The following GRM5 variants were observed in gnomAD, a reference collection of about 807,000 sequenced individuals.
GRM5 encodes the protein glutamate metabotropic receptor 5, also known as metabotropic glutamate receptor 5.
A neutral mutation model predicts 83.1 loss-of-function variants in GRM5; 19 were observed. The ratio of observed to expected loss-of-function variants is 0.23; its 90% CI spans 0.16 to 0.34. The LOEUF is 0.34. Among genes scored for constraint, GRM5 ranks in the 10% least tolerant of loss-of-function variants. GRM5 has a pLI of 1.00. For synonymous variants in GRM5, 675 were observed against 633.6 expected, an observed-to-expected ratio of 1.07 and a Z score of -0.98; for missense variants, 1,160 against 1,588.3, an observed-to-expected ratio of 0.73 and a Z score of 4.58.
chr11:88,850,789 TG>T (rs1565261157), intron 2 of GRM5, among the ~76,000 whole-genome samples: 1 of 152,036 alleles, frequency 6.6e-6, no homozygotes, highest in African/African-American at 2.4e-5. Context: ...TATACAACCA[TG>T]GGGAAGTTAT....
At chr11:88,520,556 A>G in intron 9 of GRM5, among the ~76,000 whole-genome samples, 1 of 151,832 alleles carries the variant, frequency 6.6e-6, no homozygotes, top group Middle Eastern at 3.2e-3. Context: ...GAGGAGTTTT[A>G]TATTGCATTG....
chr11:88,909,408 C>T (rs1945456970), intron 2 of GRM5, among the ~76,000 whole-genome samples: 1 of 10,636 alleles, frequency 9.4e-5, no homozygotes, highest in Non-Finnish European at 3.7e-4. Context: ...CTTTCCACTG[C>T]CAAGGTAAAT....
intron 2 of GRM5, among the ~76,000 whole-genome samples, chr11:88,888,904 A>T (rs1047513776): frequency 6.6e-6 from 1 of 152,160 alleles, no homozygotes; most frequent in Non-Finnish European, 1.5e-5. Context: ...AACTTGGCTA[A>T]AGGCCTCCAT....
At chr11:88,821,344 C>CAAAAAAAAAAAAAAAAAAAAA (rs375051761) in intron 3 of GRM5, among the ~76,000 whole-genome samples, 2 of 68,152 alleles carry the variant, frequency 2.9e-5, no homozygotes, top group Non-Finnish European at 6.7e-5. Context: ...CTTGAGGGGC[C>CAAAAAAAAAAAAAAAAAAAAA]AAAAAAAAAA....
intron 1 of GRM5, among the ~76,000 whole-genome samples, chr11:89,062,897 CG>C (rs1293569187): frequency 1.3e-5 from 2 of 152,246 alleles, no homozygotes; most frequent in Non-Finnish European, 2.9e-5. Context: ...ATGCCCCCGC[CG>C]TGGGATAACT....
intron 2 of GRM5, among the ~76,000 whole-genome samples, chr11:89,025,857 G>A (rs1941118046): frequency 6.6e-6 from 1 of 152,122 alleles, no homozygotes; most frequent in East Asian, 1.9e-4. Flanking sequence ...AATATAAATT[G>A]TTTTAACATA....
intron 7 of GRM5, among the ~76,000 whole-genome samples, chr11:88,573,404 A>G (rs976074403): frequency 2.0e-5 from 3 of 152,128 alleles, no homozygotes. Context: ...TAGTTTCTAG[A>G]CTGCTGCATT....
chr11:88,930,479 C>A (rs926099409), intron 2 of GRM5, among the ~76,000 whole-genome samples: 1 of 152,050 alleles, frequency 6.6e-6, no homozygotes, highest in Non-Finnish European at 1.5e-5. Context: ...AGGAAAGCAA[C>A]TTTTATCATG....
chr11:88,532,000 A>G (rs1942022072), intron 8 of GRM5, among the ~76,000 whole-genome samples: 1 of 152,064 alleles, frequency 6.6e-6, no homozygotes, highest in African/African-American at 2.4e-5. Flanking sequence ...TGTAGAAACC[A>G]CAGTATACCT....
chr11:88,729,413 T>C (rs1941756005), intron 3 of GRM5, among the ~76,000 whole-genome samples: 1 of 151,960 alleles, frequency 6.6e-6, no homozygotes, highest in African/African-American at 2.4e-5. Flanking sequence ...TCCATGCTAA[T>C]GGATAGGAAG....
At chr11:88,866,846 G>A (rs569055) in intron 2 of GRM5, among the ~76,000 whole-genome samples, 45,427 of 151,904 alleles carry the variant, frequency 0.3, 7,085 homozygotes, top group South Asian at 0.53. Context: ...TTAGGTATTA[G>A]TTTAAGTCTT....
At chr11:88,653,528 T>C in intron 3 of GRM5, 125 bp from the exon 4 acceptor site, 1 of 614,446 alleles carries the variant, frequency 1.6e-6, no homozygotes, top group Non-Finnish European at 2.9e-6. Flanking sequence ...TGGTCCTATA[T>C]TACACCGACA....
chr11:88,844,389 C>T (rs112303235), intron 3 of GRM5, among the ~76,000 whole-genome samples: 3,144 of 145,294 alleles, frequency 0.022, 50 homozygotes, highest in East Asian at 0.072. Flanking sequence ...CACACACACA[C>T]ATATATATAT....
chr11:88,810,944 G>C (rs530130759), intron 3 of GRM5, among the ~76,000 whole-genome samples: 345 of 152,212 alleles, frequency 2.3e-3, no homozygotes, highest in Non-Finnish European at 3.6e-3. Flanking sequence ...CTATTAACAA[G>C]TTAACAGAGT....
intron 2 of GRM5, among the ~76,000 whole-genome samples, chr11:88,863,331 T>A (rs1346582217): frequency 2.6e-5 from 4 of 151,924 alleles, no homozygotes; most frequent in Non-Finnish European, 5.9e-5. Context: ...TGCAGCACTA[T>A]TCACAATAGT....
chr11:88,862,959 AC>A (rs1944592077), intron 2 of GRM5, among the ~76,000 whole-genome samples: 1 of 152,236 alleles, frequency 6.6e-6, no homozygotes, highest in South Asian at 2.1e-4. Flanking sequence ...AAGGCCATGA[AC>A]AAACACTTCT....
At chr11:88,687,752 ATTAT>A (rs1940684615) in intron 3 of GRM5, among the ~76,000 whole-genome samples, 2 of 148,652 alleles carry the variant, frequency 1.3e-5, no homozygotes, top group Non-Finnish European at 3.0e-5. Context: ...TGTCAGCAAC[ATTAT>A]TTAATTAACT....
intron 4 of GRM5, among the ~76,000 whole-genome samples, chr11:88,621,158 A>C (rs1938624182): frequency 6.6e-6 from 1 of 152,182 alleles, no homozygotes; most frequent in South Asian, 2.1e-4. Flanking sequence ...TATTTAAAAG[A>C]TTGTGTGGCA....
intron 2 of GRM5, among the ~76,000 whole-genome samples, chr11:88,949,954 T>C (rs1938404557): frequency 6.6e-6 from 1 of 152,028 alleles, no homozygotes; most frequent in African/African-American, 2.4e-5. Context: ...AACCTCTGGC[T>C]CCTGGGCTCA....
Sources: gnomAD v4.1 joint callset for allele counts (sites outside exome capture counted in the v4.1 genomes callset) on GRCh38, gnomAD v4.1.1 for gene constraint, MANE v1.5 for transcripts, NCBI Gene and HGNC (gene_info 2026-07-23, HGNC 2026-07-21) for gene names.